Variants in EPC2 observed in about 807,000 individuals in gnomAD.
EPC2 encodes the protein enhancer of polycomb homolog 2.
Under a neutral mutation model 92.1 loss-of-function variants are expected in EPC2, and 14 were observed. The ratio of observed to expected loss-of-function variants is 0.15; its 90% CI spans 0.10 to 0.24. The LOEUF (loss-of-function observed/expected upper bound fraction) is 0.24. Ranked by LOEUF, EPC2 falls within the 10% of genes least tolerant of loss-of-function variation. The pLI is 1.00. For synonymous variants in EPC2, 340 were observed against 334.7 expected, an observed-to-expected ratio of 1.02 and a Z score of -0.17; for missense variants, 755 against 971.5, an observed-to-expected ratio of 0.78 and a Z score of 2.96.
In EPC2 at chr2:148,784,763, A is replaced by G. The variant is rs1683830251; in HGVS notation, c.2113A>G (p.Thr705Ala). 1 of 1,614,016 alleles carries G rather than the reference A, an allele frequency of 6.2e-7. No homozygotes were observed. ...QLVRTVGHTT[T>A]NHLIPALCTS... ...TGTAAGGACAGTTGGCCACACCACT[A>G]CAAACCACTTAATCCCAGCATTGTG... Residue 705 changes from threonine to alanine, a missense_variant, in exon 13 of 14, where the codon ACA becomes GCA. Physicochemically the swap from Thr to Ala is moderately conservative, Grantham distance 58 (BLOSUM62 0). This residue lies in a region of EPC2 where 207 missense variants were observed against 260.5 expected (regional missense o/e 0.79). Transcript: ENST00000258484.
chr2:148,729,566 AG>A (rs1217613174), intron 2 of EPC2, among the ~76,000 whole-genome samples: 1 of 152,140 alleles, frequency 6.6e-6, no homozygotes, highest in African/African-American at 2.4e-5. Flanking sequence ...TCATCTGTTT[AG>A]GAGCCATTTG....
At chr2:148,757,362 C>T (rs1293138954) in intron 4 of EPC2, among the ~76,000 whole-genome samples, 1 of 151,238 alleles carries the variant, frequency 6.6e-6, no homozygotes, top group East Asian at 2.0e-4. Context: ...GGTGACAGTG[C>T]GAGACTCCGT....
intron 6 of EPC2, 113 bp downstream of exon 6, chr2:148,762,915 CTT>C: frequency 8.4e-7 from 1 of 1,187,234 alleles, no homozygotes; most frequent in Non-Finnish European, 1.1e-6. Context: ...ATTAACGTGA[CTT>C]TAGTTCTTAC....
rs570203169 is a variant in EPC2, at chr2:148,785,008, G to A, written c.2351+7G>A. The stretch of plus-strand genomic sequence containing the variant: ...CCATCAGCAGCATAGCAAGGTGTGT[G>A]TGTGTGTTTCAGTGATTTTTCTCCC... On this transcript the variant is annotated splice_region_variant and intron_variant, in intron 13 of 13. Transcript: ENST00000258484. The A allele has an allele frequency of 7.4e-6, 11 of 1,486,508 alleles. No homozygotes were observed. In the South Asian group the frequency reaches 1.4e-4, roughly 19 times the overall value. The allele number at this position is 1,486,508 out of a possible 1,614,324, so 92.1% of individuals were successfully genotyped here.
chr2:148,667,062 T>TA (rs1681070073), intron 1 of EPC2, among the ~76,000 whole-genome samples: 1 of 152,224 alleles, frequency 6.6e-6, no homozygotes, highest in Non-Finnish European at 1.5e-5. Context: ...AAGGAAATAA[T>TA]ATGTGTAACT....
In EPC2 at chr2:148,771,025, G is replaced by A. The variant is rs1186104102; in HGVS notation, c.1377-19G>A. 6.3e-7 allele frequency: 1 copy of A among 1,592,952 alleles called. No homozygotes were observed. The highest frequency in any genetic ancestry group is 8.5e-7 in the Non-Finnish European group (1 of 1,171,206). On this transcript the variant is annotated intron_variant, in intron 9 of 13. Transcript: ENST00000258484. ...GTTCAGCTCTCTCAGTTAATATTTG[G>A]TTTTATTTTGCTTTTCAGGGTCATA...
intron 7 of EPC2, among the ~76,000 whole-genome samples, chr2:148,766,965 C>G (rs1478768463): frequency 6.6e-6 from 1 of 152,120 alleles, no homozygotes; most frequent in African/African-American, 2.4e-5. Context: ...AGGTGGATTG[C>G]TTGAGCCCAG....
intron 1 of EPC2, among the ~76,000 whole-genome samples, chr2:148,668,452 G>A (rs755742658): frequency 6.6e-6 from 1 of 152,032 alleles, no homozygotes; most frequent in Non-Finnish European, 1.5e-5. Context: ...TACTGGCCTC[G>A]TGGAATGAGT....
At chr2:148,650,815 AAATGACATGC>A (rs1680667548) in intron 1 of EPC2, among the ~76,000 whole-genome samples, 1 of 152,228 alleles carries the variant, frequency 6.6e-6, no homozygotes, top group Non-Finnish European at 1.5e-5. Flanking sequence ...TAACAAAAGC[AAATGACATGC>A]CAGGTATTAT....
intron 12 of EPC2, among the ~76,000 whole-genome samples, chr2:148,784,300 T>G (rs1029401407): frequency 6.6e-5 from 10 of 152,208 alleles, no homozygotes; most frequent in African/African-American, 2.4e-4. Context: ...TCCAGTTGCT[T>G]TTATATATAC....
At chr2:148,732,876 CAT>C (rs1682666828) in intron 2 of EPC2, among the ~76,000 whole-genome samples, 1 of 147,554 alleles carries the variant, frequency 6.8e-6, no homozygotes, top group Non-Finnish European at 1.5e-5. Context: ...TTATAGCAGA[CAT>C]ATTTGTATTT....
chr2:148,666,266 G>C (rs1210341458), intron 1 of EPC2, among the ~76,000 whole-genome samples: 1 of 152,120 alleles, frequency 6.6e-6, no homozygotes, highest in Non-Finnish European at 1.5e-5. Context: ...TCAGCCTCCT[G>C]AGTAGCTGGG....
chr2:148,740,518 C>G (rs1367123376), intron 2 of EPC2, among the ~76,000 whole-genome samples: 6 of 152,112 alleles, frequency 3.9e-5, no homozygotes, highest in Admixed American at 2.0e-4. Context: ...GATCTCCTAT[C>G]AATTCTCACT....
chr2:148,663,029 T>C (rs1680971731), intron 1 of EPC2, among the ~76,000 whole-genome samples: 1 of 151,308 alleles, frequency 6.6e-6, no homozygotes. Flanking sequence ...CTAGTTCAGG[T>C]CAAACATCTA....
chr2:148,758,491 G>A (rs1474839590), intron 4 of EPC2, among the ~76,000 whole-genome samples: 2 of 152,110 alleles, frequency 1.3e-5, no homozygotes, highest in Non-Finnish European at 2.9e-5. Flanking sequence ...TGCCTCCTGG[G>A]TTCAAGTGAT....
At chr2:148,776,856 C>CTCTCTTTTTTTTTTTTGTTTTTTTTTT (rs1247135854) in intron 10 of EPC2, among the ~76,000 whole-genome samples, 1 of 101,042 alleles carries the variant, frequency 9.9e-6, no homozygotes, top group Admixed American at 1.2e-4. Flanking sequence ...GTCTCTCTCT[C>CTCTCTTTTTTTTTTTTGTTTTTTTTTT]TTTTTTTTTT....
intron 2 of EPC2, among the ~76,000 whole-genome samples, chr2:148,694,823 G>C (rs1306655821): frequency 1.3e-5 from 2 of 152,178 alleles, no homozygotes; most frequent in East Asian, 3.9e-4. Context: ...GGAGTGCAGT[G>C]GTGCAATATC....
chr2:148,689,988 A>AC (rs202059437), intron 1 of EPC2, among the ~76,000 whole-genome samples: 3,944 of 152,134 alleles, frequency 0.026, 58 homozygotes, highest in East Asian at 0.031. Context: ...ATTTTGTTTA[A>AC]AAAATTCTAC....
chr2:148,712,416 C>T (rs759115074), intron 2 of EPC2, among the ~76,000 whole-genome samples: 1 of 151,924 alleles, frequency 6.6e-6, no homozygotes, highest in Non-Finnish European at 1.5e-5. Flanking sequence ...ATTCGACACA[C>T]AGACACACAC....
Sources: gnomAD v4.1 joint callset for allele counts (sites outside exome capture counted in the v4.1 genomes callset) on GRCh38, gnomAD v4.1.1 for gene constraint, gnomAD v4.1.1 regional missense constraint, MANE v1.5 for transcripts, NCBI Gene and HGNC (gene_info 2026-07-23, HGNC 2026-07-21) for gene names.